The following TLK2 variants were observed in gnomAD, a reference collection of about 807,000 sequenced individuals.
TLK2 encodes tousled like kinase 2.
In TLK2, 6 loss-of-function variants were observed where a neutral mutation model predicts 117.3. The observed-to-expected ratio is 0.05, with a 90% confidence interval of 0.03 to 0.10. The LOEUF (loss-of-function observed/expected upper bound fraction) is 0.10, where lower values mean the gene tolerates loss of function less well. Ranked by LOEUF, TLK2 falls within the 10% of genes least tolerant of loss-of-function variation. The probability of loss-of-function intolerance (pLI) is 1.00; values close to 1 mark genes in which losing one functional copy is unlikely to be tolerated. For missense variants in TLK2, 299 were observed against 901.2 expected, an observed-to-expected ratio of 0.33 and a Z score of 8.56; for synonymous variants, 257 against 316.7, an observed-to-expected ratio of 0.81 and a Z score of 2.00.
chr17:62,476,946 C>T (rs935437847), upstream of TLK2, among the ~76,000 whole-genome samples: 1 of 151,250 alleles, frequency 6.6e-6, no homozygotes, highest in East Asian at 1.9e-4. Flanking sequence ...AAAAATTAGC[C>T]GGGCCTGGTA....
chr17:62,567,434 A>G (rs2079886587), intron 11 of TLK2, among the ~76,000 whole-genome samples: 1 of 152,208 alleles, frequency 6.6e-6, no homozygotes, highest in Non-Finnish European at 1.5e-5. Context: ...AGGACTCTTC[A>G]CTGTAGGTGG....
At chr17:62,563,109 A>G (rs1052848753) in intron 10 of TLK2, among the ~76,000 whole-genome samples, 1 of 152,342 alleles carries the variant, frequency 6.6e-6, no homozygotes, top group Middle Eastern at 3.4e-3. Flanking sequence ...GTGGAATACT[A>G]CTCAGTAATA....
At chr17:62,610,138 A>G (rs764418810) in intron 21 of TLK2, among the ~76,000 whole-genome samples, 23 of 152,360 alleles carry the variant, frequency 1.5e-4, no homozygotes, top group Middle Eastern at 3.4e-3. Context: ...AACTTTTGTC[A>G]AATTTTCATG....
intron 15 of TLK2, among the ~76,000 whole-genome samples, chr17:62,582,871 G>A (rs1002027724): frequency 6.6e-6 from 1 of 152,084 alleles, no homozygotes; most frequent in African/African-American, 2.4e-5. Context: ...TACAGAAGTG[G>A]ACTCATACTA....
intron 6 of TLK2, among the ~76,000 whole-genome samples, chr17:62,530,691 CCT>C (rs1456406433): frequency 1.3e-5 from 2 of 152,028 alleles, no homozygotes; most frequent in African/African-American, 4.8e-5. Context: ...TATGTATTTA[CCT>C]CTTTGTACTT....
intron 20 of TLK2, among the ~76,000 whole-genome samples, chr17:62,606,524 T>A (rs560723889): frequency 1.3e-5 from 2 of 152,318 alleles, no homozygotes; most frequent in East Asian, 1.9e-4. Flanking sequence ...TCTGATAGTG[T>A]GTATAGGGAT....
At chr17:62,582,008 G>A (rs952762944) in intron 15 of TLK2, among the ~76,000 whole-genome samples, 18 of 152,114 alleles carry the variant, frequency 1.2e-4, no homozygotes, top group Non-Finnish European at 2.6e-4. Flanking sequence ...AGCACTCTGG[G>A]AGCCGAGGCA....
At chr17:62,482,253 T>C (rs1345513424) in intron 2 of TLK2, among the ~76,000 whole-genome samples, 1 of 152,098 alleles carries the variant, frequency 6.6e-6, no homozygotes, top group Admixed American at 6.6e-5. Flanking sequence ...CTGGCTGAGC[T>C]TTTGATCTTT....
chr17:62,606,284 G>A, intron 20 of TLK2, 43 bp downstream of exon 20: 1 of 1,274,762 alleles, frequency 7.8e-7, no homozygotes, highest in Admixed American at 1.8e-5. Context: ...TCTTTCTTGG[G>A]TGGCACACAC....
intron 2 of TLK2, among the ~76,000 whole-genome samples, chr17:62,492,481 T>G (rs2073204486): frequency 6.6e-6 from 1 of 151,806 alleles, no homozygotes; most frequent in Admixed American, 6.6e-5. Flanking sequence ...TTTTTGAGAC[T>G]CAGTCTTACT....
At chr17:62,569,102 C>G (rs192586934) in intron 11 of TLK2, among the ~76,000 whole-genome samples, 1 of 151,322 alleles carries the variant, frequency 6.6e-6, no homozygotes, top group African/African-American at 2.4e-5. Flanking sequence ...GTCAGGAGTT[C>G]GAGACCAGCC....
chr17:62,520,506 A>G (rs1025087938), intron 2 of TLK2, among the ~76,000 whole-genome samples: 3 of 151,364 alleles, frequency 2.0e-5, no homozygotes, highest in South Asian at 2.1e-4. Flanking sequence ...GTGAAACCCC[A>G]TCTCTACTAA....
At position 62,557,034 on chromosome 17, in the gene TLK2, C is replaced by T. The variant is rs192643838; in HGVS notation, c.721-2982C>T. Among the ~76,000 whole-genome samples the T allele has an allele frequency of 1.9e-3, 289 of 152,362 alleles. 2 individuals carry two copies. Among genetic ancestry groups the T allele is most frequent in the Non-Finnish European group, 5.9e-4 (40 of 68,044 alleles). Reference sequence around the variant, plus strand: ...TCATCTCCCAGGCTCAAGCAGTCCTCTCACTTCAGCCTCCTGAATAGCTGG... The same window carrying T: ...TCATCTCCCAGGCTCAAGCAGTCCTTTCACTTCAGCCTCCTGAATAGCTGG... On this transcript the variant is annotated intron_variant, in intron 9 of 21. Transcript: ENST00000346027.
chr17:62,478,192 G>A (rs1213185986), upstream of TLK2: 1 of 151,876 alleles, frequency 6.6e-6, no homozygotes, highest in African/African-American at 2.4e-5. Flanking sequence ...GGGCGCCGTC[G>A]CCTCACTAAC....
intron 16 of TLK2, among the ~76,000 whole-genome samples, chr17:62,593,824 A>C: frequency 7.5e-6 from 1 of 132,902 alleles, no homozygotes; most frequent in Non-Finnish European, 1.6e-5. Flanking sequence ...ATGGAGTCTC[A>C]CTCTGTCGCC....
chr17:62,600,481 A>G (rs1351669467), intron 17 of TLK2, 170 bp from the exon 18 acceptor site: 7 of 571,292 alleles, frequency 1.2e-5, no homozygotes, highest in African/African-American at 3.8e-5. Flanking sequence ...GCAGTTTCTT[A>G]CCAGAAACCC....
chr17:62,480,787 G>C (rs1207584064), intron 1 of TLK2, among the ~76,000 whole-genome samples: 1 of 152,114 alleles, frequency 6.6e-6, no homozygotes, highest in Admixed American at 6.6e-5. Context: ...TCTTTTTGCA[G>C]GCTAGTTCTT....
intron 11 of TLK2, among the ~76,000 whole-genome samples, chr17:62,565,978 C>T (rs1466923727): frequency 6.6e-6 from 1 of 152,146 alleles, no homozygotes; most frequent in Non-Finnish European, 1.5e-5. Flanking sequence ...GTGACCAGCC[C>T]CACTGTGTGT....
At chr17:62,600,957 T>C in intron 18 of TLK2, 137 bp downstream of exon 18, 1 of 890,228 alleles carries the variant, frequency 1.1e-6, no homozygotes, top group Non-Finnish European at 1.7e-6. Context: ...CCTGGGTAGG[T>C]GTGGGAAAAA....
Sources: gnomAD v4.1 joint callset for allele counts (sites outside exome capture counted in the v4.1 genomes callset) on GRCh38, gnomAD v4.1.1 for gene constraint, MANE v1.5 for transcripts, NCBI Gene and HGNC (gene_info 2026-07-23, HGNC 2026-07-21) for gene names.